Variants in SLC17A8 observed in about 807,000 individuals in gnomAD.
The protein encoded by SLC17A8 is solute carrier family 17 member 8.
Under a neutral mutation model 58.0 loss-of-function variants are expected in SLC17A8, and 31 were observed. That is an observed-to-expected ratio of 0.53 (90% CI 0.40 to 0.72). SLC17A8 has a LOEUF of 0.72. SLC17A8 is among the 30% of genes least tolerant of loss of function. The pLI is 0.00. For synonymous variants in SLC17A8, 228 were observed against 249.0 expected (o/e 0.92, Z 0.79); for missense variants, 655 against 727.8 (o/e 0.90, Z 1.15).
At chr12:100,416,341 A>G (rs1400139400) in intron 10 of SLC17A8, among the ~76,000 whole-genome samples, 1 of 152,210 alleles carries the variant, frequency 6.6e-6, no homozygotes, top group African/African-American at 2.4e-5. Context: ...AGTGTTTATC[A>G]CATTCAAATC....
chr12:100,411,142 T>C, intron 9 of SLC17A8, among the ~76,000 whole-genome samples: 1 of 152,052 alleles, frequency 6.6e-6, no homozygotes, highest in East Asian at 1.9e-4. Flanking sequence ...TTGGTGATGG[T>C]TTGCTTGTTT....
chr12:100,411,356 C>G (rs1362897207), intron 9 of SLC17A8, among the ~76,000 whole-genome samples: 1 of 152,054 alleles, frequency 6.6e-6, no homozygotes, highest in Admixed American at 6.6e-5. Context: ...AGCACATGCC[C>G]ATAATCCCAG....
intron 1 of SLC17A8, among the ~76,000 whole-genome samples, chr12:100,377,144 C>T (rs1206972912): frequency 6.6e-6 from 1 of 152,078 alleles, no homozygotes; most frequent in East Asian, 1.9e-4. Context: ...TTAAGTTACA[C>T]GTATTTGGTT....
chr12:100,363,131 T>C (rs1359223548), intron 1 of SLC17A8, among the ~76,000 whole-genome samples: 1 of 152,230 alleles, frequency 6.6e-6, no homozygotes. Context: ...CCAAAGTGAC[T>C]GAGCAGCAGT....
intron 3 of SLC17A8, 66 bp from the exon 4 acceptor site, chr12:100,393,303 G>A (rs1952729528): frequency 9.5e-7 from 1 of 1,052,978 alleles, no homozygotes; most frequent in African/African-American, 1.6e-5. Context: ...TTTGTTTCTG[G>A]TGCTTAGCTG....
intron 2 of SLC17A8, among the ~76,000 whole-genome samples, chr12:100,387,543 C>T (rs138139332): frequency 9.7e-4 from 147 of 152,276 alleles, no homozygotes; most frequent in African/African-American, 3.2e-3. Flanking sequence ...ACTATTTCCC[C>T]AGAGAGAAAG....
At chr12:100,412,677 G>A (rs1952878074) in intron 9 of SLC17A8, 93 bp from the exon 10 acceptor site, 16 of 839,212 alleles carry the variant, frequency 1.9e-5, no homozygotes, top group South Asian at 9.4e-5. Flanking sequence ...TAGGTCTGTG[G>A]AATTATAGGT....
At chr12:100,411,101 A>C (rs1952864234) in intron 9 of SLC17A8, among the ~76,000 whole-genome samples, 1 of 152,230 alleles carries the variant, frequency 6.6e-6, no homozygotes, top group Non-Finnish European at 1.5e-5. Flanking sequence ...AGATTAATTT[A>C]GAGGAGAAGA....
rs1308704946 is a variant in SLC17A8 at position 100,396,406 on chromosome 12, C to T, written c.665C>T (p.Thr222Ile). The T allele has an allele frequency of 3.1e-6, 5 of 1,613,584 alleles. No individual in the cohort carries two copies. The highest frequency in any genetic ancestry group is 3.4e-6 in the Non-Finnish European group (4 of 1,179,714). The change falls in exon 5 of 12, where the codon ACC becomes ATC. Residue 222 changes from threonine to isoleucine, a missense_variant. Physicochemically the swap from Thr to Ile is moderately conservative, Grantham distance 89. Transcript: ENST00000323346. The part of the protein sequence containing the change: ...PPLERSRLAT[T>I]SFCGSYAGAV... ...TTGGAGAGAAGCCGACTGGCCACAA[C>T]CTCTTTTTGTGGTGGGTATATTAGA...
chr12:100,396,583 T>TAA (rs146805348), intron 5 of SLC17A8, among the ~76,000 whole-genome samples, 166 bp downstream of exon 5: 8 of 139,036 alleles, frequency 5.8e-5, no homozygotes, highest in African/African-American at 8.0e-5. Context: ...ACTTCGTCTT[T>TAA]AAAAAAAAAA....
chr12:100,388,722 GT>G, intron 2 of SLC17A8, among the ~76,000 whole-genome samples: 1 of 152,328 alleles, frequency 6.6e-6, no homozygotes, highest in Admixed American at 6.5e-5. Context: ...AAGATAAGCA[GT>G]GATGAAAATT....
intron 11 of SLC17A8, among the ~76,000 whole-genome samples, chr12:100,419,549 A>G (rs1198735146): frequency 6.6e-6 from 1 of 151,790 alleles, no homozygotes; most frequent in Middle Eastern, 3.2e-3. Flanking sequence ...AAAAAAAAGA[A>G]TTTTCTAAAT....
intron 1 of SLC17A8, among the ~76,000 whole-genome samples, chr12:100,379,927 C>T (rs183830697): frequency 1.3e-3 from 192 of 152,214 alleles, no homozygotes; most frequent in African/African-American, 4.3e-3. Context: ...AGGCCGGGCA[C>T]AGTGCCTCAC....
chr12:100,420,002 G>A lies in SLC17A8; in HGVS notation c.1613G>A (p.Ser538Asn), dbSNP rs1461246804. The A allele has an allele frequency of 6.2e-7, 1 of 1,614,054 alleles. No homozygotes were observed. Among genetic ancestry groups the A allele is most frequent in the East Asian group, 2.2e-5 (1 of 44,886 alleles). ...LAEEIELNHESFASPKKKMSY... is the reference protein window; with the variant it reads ...LAEEIELNHENFASPKKKMSY... ...GAGGAGATAGAACTCAACCATGAGA[G>A]TTTTGCGAGTCCCAAAAAGAAGATG... The change falls in exon 12 of 12, where the codon AGT (serine) becomes AAT (asparagine). Residue 538 changes from serine to asparagine, a missense_variant. Physicochemically the swap from Ser to Asn is conservative, Grantham distance 46. Coordinates refer to ENST00000323346, the MANE Select transcript of SLC17A8 (RefSeq NM_139319.3).
At chr12:100,384,609 T>C (rs536328549) in intron 2 of SLC17A8, among the ~76,000 whole-genome samples, 1 of 152,096 alleles carries the variant, frequency 6.6e-6, no homozygotes, top group South Asian at 2.1e-4. Flanking sequence ...GGGATTATTG[T>C]AGGGCTGTAA....
chr12:100,401,193 TTTGC>T (rs1476460073), intron 5 of SLC17A8, among the ~76,000 whole-genome samples: 2 of 151,818 alleles, frequency 1.3e-5, no homozygotes, highest in Admixed American at 1.3e-4. Context: ...GAGATGGGGT[TTTGC>T]TATGTTGACC....
At chr12:100,380,664 T>C (rs775302891) in intron 1 of SLC17A8, 37 bp from the exon 2 acceptor site, 1 of 1,613,634 alleles carries the variant, frequency 6.2e-7, no homozygotes, top group Admixed American at 1.7e-5. Context: ...CCTTTAATCC[T>C]GGCTTTTATT....
Position 100,391,099 on chromosome 12 carries a change from A to G in SLC17A8, c.453A>G (p.Ser151=). Residue 151 remains serine (S), a synonymous_variant, in exon 3 of 12, where the codon TCA becomes TCG. Coordinates refer to ENST00000323346, the MANE Select transcript of SLC17A8 (RefSeq NM_139319.3). The stretch of plus-strand genomic sequence containing the variant: ...CACAAATTCCAGGTGGTTTCATTTC[A>G]AACAAGTTTGCTGCTAACAGGTAAG... ...IMTQIPGGFI[S]NKFAANRVFG... is the part of the protein sequence containing the mutation. 4.3e-6 allele frequency: 7 copies of G among 1,612,350 alleles called. No individual in the cohort carries two copies. Among genetic ancestry groups the G allele is most frequent in the Non-Finnish European group, 5.9e-6 (7 of 1,178,484 alleles).
chr12:100,362,315 A>G (rs185249474), intron 1 of SLC17A8, among the ~76,000 whole-genome samples: 2 of 152,298 alleles, frequency 1.3e-5, no homozygotes, highest in East Asian at 3.9e-4. Flanking sequence ...CGGGAGCAGG[A>G]AGAGATGTGT....
Sources: gnomAD v4.1 joint callset for allele counts (sites outside exome capture counted in the v4.1 genomes callset) on GRCh38, gnomAD v4.1.1 for gene constraint, MANE v1.5 for transcripts, NCBI Gene and HGNC (gene_info 2026-07-23, HGNC 2026-07-21) for gene names.